SGCZ: variants seen among roughly 807,000 people sequenced by gnomAD.
The protein encoded by SGCZ is zeta-sarcoglycan.
Under a neutral mutation model 41.3 loss-of-function variants are expected in SGCZ, and 40 were observed. The ratio of observed to expected loss-of-function variants is 0.97; its 90% CI spans 0.75 to 1.26. The LOEUF (loss-of-function observed/expected upper bound fraction) is 1.26, where lower values mean the gene tolerates loss of function less well. Ranked by LOEUF, SGCZ falls within the 50% of genes most tolerant of loss-of-function variation. The pLI, the probability that SGCZ is intolerant of heterozygous loss-of-function variation, is 0.00. For missense variants in SGCZ, 552 were observed against 369.8 expected (o/e 1.49, Z -4.04); for synonymous variants, 206 against 137.5 (o/e 1.50, Z -3.49).
chr8:14,918,956 G>A (rs1435774824), intron 1 of SGCZ, among the ~76,000 whole-genome samples: 2 of 152,164 alleles, frequency 1.3e-5, no homozygotes, highest in Non-Finnish European at 2.9e-5. Flanking sequence ...GACCCTGAAG[G>A]AAGACTGGGG....
At chr8:14,718,638 G>A (rs920620) in intron 1 of SGCZ, among the ~76,000 whole-genome samples, 54,839 of 137,710 alleles carry the variant, frequency 0.4, 11,959 homozygotes, top group African/African-American at 0.62. Context: ...AATTATATAA[G>A]TTCACAGGAG....
chr8:15,156,960 G>A (rs796720612), intron 1 of SGCZ, among the ~76,000 whole-genome samples: 3,379 of 142,376 alleles, frequency 0.024, 93 homozygotes, highest in East Asian at 0.07. Flanking sequence ...AAAAAAAAAA[G>A]AAAAGAAAAA....
intron 1 of SGCZ, among the ~76,000 whole-genome samples, chr8:14,840,953 TC>T: frequency 6.6e-6 from 1 of 152,248 alleles, no homozygotes; most frequent in South Asian, 2.1e-4. Flanking sequence ...AAAGATGTCA[TC>T]TTAAACTTCC....
intron 1 of SGCZ, among the ~76,000 whole-genome samples, chr8:14,610,927 T>C (rs886095008): frequency 6.6e-6 from 1 of 152,192 alleles, no homozygotes; most frequent in Non-Finnish European, 1.5e-5. Context: ...ACCACATGCT[T>C]CCAAACCTTC....
chr8:14,678,626 A>G (rs2117532778), intron 1 of SGCZ, among the ~76,000 whole-genome samples: 1 of 152,334 alleles, frequency 6.6e-6, no homozygotes, highest in East Asian at 1.9e-4. Flanking sequence ...AAAGGCTTTG[A>G]CAGTTTCCTA....
At chr8:15,111,236 T>G (rs898672300) in intron 1 of SGCZ, among the ~76,000 whole-genome samples, 1 of 152,126 alleles carries the variant, frequency 6.6e-6, no homozygotes, top group Non-Finnish European at 1.5e-5. Flanking sequence ...GCTGATTTCC[T>G]AGGGCTGGCT....
At chr8:14,271,807 G>A (rs894884945) in intron 3 of SGCZ, among the ~76,000 whole-genome samples, 3 of 152,002 alleles carry the variant, frequency 2.0e-5, no homozygotes, top group East Asian at 3.9e-4. Flanking sequence ...AGGCATTTTT[G>A]CTTTGTAGAA....
Position 14,749,278 on chromosome 8 carries a change from A to G in SGCZ, c.40-194352T>C, listed in dbSNP as rs139725702. 2.0e-5 allele frequency among the ~76,000 whole-genome samples: 3 copies of G among 152,284 alleles called. No homozygotes were observed. The East Asian group carries it at 5.8e-4, about 29-fold the overall frequency. On this transcript the variant is annotated intron_variant, in intron 1 of 7. Coordinates refer to ENST00000382080, the MANE Select transcript of SGCZ (RefSeq NM_139167.4). ...AATGATCCACACTATATCAAGTTAG[A>G]ATGGCCGCCAGAGTTCCCTGCTCTG...
chr8:15,223,901 G>T (rs746584505), intron 1 of SGCZ, among the ~76,000 whole-genome samples: 1 of 149,028 alleles, frequency 6.7e-6, no homozygotes, highest in South Asian at 2.1e-4. Flanking sequence ...GTCTCACTCG[G>T]CAGAGTGCAA....
chr8:14,756,477 G>C (rs1053561595), intron 1 of SGCZ, among the ~76,000 whole-genome samples: 6 of 152,060 alleles, frequency 3.9e-5, no homozygotes, highest in African/African-American at 1.2e-4. Flanking sequence ...GAGCCACCAC[G>C]CCCAGCGGGA....
At chr8:14,513,038 GC>G (rs1376342474) in intron 2 of SGCZ, among the ~76,000 whole-genome samples, 1 of 152,098 alleles carries the variant, frequency 6.6e-6, no homozygotes, top group Non-Finnish European at 1.5e-5. Flanking sequence ...TTCGTGCCTT[GC>G]TCAGGCATAC....
At chr8:14,578,873 T>A (rs979197761) in intron 1 of SGCZ, among the ~76,000 whole-genome samples, 4 of 152,150 alleles carry the variant, frequency 2.6e-5, no homozygotes, top group African/African-American at 4.8e-5. Context: ...ATTTACCACA[T>A]TTAATTAATT....
At chr8:14,763,480 G>C (rs1799950524) in intron 1 of SGCZ, among the ~76,000 whole-genome samples, 1 of 152,086 alleles carries the variant, frequency 6.6e-6, no homozygotes, top group Non-Finnish European at 1.5e-5. Context: ...TCTTTATCCA[G>C]GTAGCCAAGC....
At chr8:14,284,653 T>C (rs1800563304) in intron 3 of SGCZ, among the ~76,000 whole-genome samples, 1 of 152,200 alleles carries the variant, frequency 6.6e-6, no homozygotes, top group African/African-American at 2.4e-5. Flanking sequence ...TCTTACTTTA[T>C]TTCCCTTTGT....
intron 1 of SGCZ, among the ~76,000 whole-genome samples, chr8:14,721,661 C>T (rs1013487317): frequency 6.6e-6 from 1 of 152,154 alleles, no homozygotes; most frequent in African/African-American, 2.4e-5. Flanking sequence ...AATTTGTCAC[C>T]CTATTTCTGT....
chr8:14,962,111 G>A (rs1327732071), intron 1 of SGCZ, among the ~76,000 whole-genome samples: 5 of 152,102 alleles, frequency 3.3e-5, no homozygotes, highest in African/African-American at 1.2e-4. Flanking sequence ...AAGAAGTTTT[G>A]TCTCTTTGCT....
At chr8:15,003,018 C>T (rs899790693) in intron 1 of SGCZ, among the ~76,000 whole-genome samples, 51 of 152,228 alleles carry the variant, frequency 3.4e-4, no homozygotes, top group African/African-American at 1.1e-3. Context: ...CCATGTACAA[C>T]GTAACTTTGC....
At chr8:15,049,002 T>C (rs955298144) in intron 1 of SGCZ, among the ~76,000 whole-genome samples, 1 of 152,142 alleles carries the variant, frequency 6.6e-6, no homozygotes, top group African/African-American at 2.4e-5. Flanking sequence ...TTTCTAAGTT[T>C]TCCTCAAAAG....
rs1276601372 is a variant in SGCZ at position 14,907,721 on chromosome 8, G to T, written c.39+329864C>A. On this transcript the variant is annotated intron_variant, in intron 1 of 7. Transcript: ENST00000382080. Reference sequence around the variant, plus strand: ...AAAATTGAGTGCGTCCATTAGGGTTGTCTTCCCTCTCTCTCTACACTACAA... The same window carrying T: ...AAAATTGAGTGCGTCCATTAGGGTTTTCTTCCCTCTCTCTCTACACTACAA... 2.6e-5 allele frequency among the ~76,000 whole-genome samples: 4 copies of T among 152,072 alleles called. No homozygotes were observed. The East Asian group carries it at 7.7e-4, about 29-fold the overall frequency.
Sources: allele counts gnomAD v4.1 joint callset (sites outside exome capture counted in the v4.1 genomes callset), GRCh38; gene constraint gnomAD v4.1.1; transcripts MANE v1.5; gene names NCBI Gene and HGNC (gene_info 2026-07-23, HGNC 2026-07-21).